The following PRKCB variants were observed in gnomAD, a reference collection of about 807,000 sequenced individuals.
The protein encoded by PRKCB is protein kinase C beta, also known as protein kinase C beta type.
Under a neutral mutation model 81.5 loss-of-function variants are expected in PRKCB, and 13 were observed. That is an observed-to-expected ratio of 0.16 (90% CI 0.10 to 0.25). PRKCB has a LOEUF of 0.25. Ranked by LOEUF, PRKCB falls within the 10% of genes least tolerant of loss-of-function variation. The probability of loss-of-function intolerance (pLI) is 1.00; values close to 1 mark genes in which losing one functional copy is unlikely to be tolerated. For missense variants in PRKCB, 509 were observed against 875.7 expected (o/e 0.58, Z 5.29); for synonymous variants, 335 against 321.4 (o/e 1.04, Z -0.45).
chr16:23,934,814 G>C (rs764626555), intron 2 of PRKCB, among the ~76,000 whole-genome samples: 1 of 152,128 alleles, frequency 6.6e-6, no homozygotes, highest in Non-Finnish European at 1.5e-5. Flanking sequence ...TGGGGTTGTG[G>C]GTGGGGAGGA....
At chr16:24,080,718 A>T (rs1014598230) in intron 5 of PRKCB, among the ~76,000 whole-genome samples, 1 of 152,228 alleles carries the variant, frequency 6.6e-6, no homozygotes, top group African/African-American at 2.4e-5. Flanking sequence ...ACTAACAAAC[A>T]AACTTCCGAA....
At chr16:24,058,901 GATGGAGGA>G (rs59993607) in intron 5 of PRKCB, among the ~76,000 whole-genome samples, 47,275 of 151,482 alleles carry the variant, frequency 0.31, 8,820 homozygotes, top group African/African-American at 0.52. Context: ...ATCCCTGTAG[GATGGAGGA>G]GATGAAACAT....
chr16:23,986,588 A>G (rs1460464168), intron 2 of PRKCB, among the ~76,000 whole-genome samples: 1 of 152,154 alleles, frequency 6.6e-6, no homozygotes. Flanking sequence ...GTTAACACGT[A>G]TATTTAAACT....
At chr16:24,107,594 G>C (rs1567376507) in intron 7 of PRKCB, among the ~76,000 whole-genome samples, 1 of 152,290 alleles carries the variant, frequency 6.6e-6, no homozygotes, top group South Asian at 2.1e-4. Context: ...AGTCAGAAGG[G>C]GTCCTGCTCC....
intron 2 of PRKCB, among the ~76,000 whole-genome samples, chr16:23,976,317 G>GC (rs1024559529): frequency 2.6e-5 from 4 of 151,632 alleles, no homozygotes; most frequent in African/African-American, 4.8e-5. Flanking sequence ...CACAAAAACC[G>GC]CCCCCCCAAA....
chr16:24,061,432 CAG>C (rs984259935), intron 5 of PRKCB, among the ~76,000 whole-genome samples: 15 of 152,236 alleles, frequency 9.9e-5, no homozygotes, highest in African/African-American at 3.6e-4. Flanking sequence ...TACAGTTTTT[CAG>C]AGTTGTGATT....
At chr16:23,940,426 A>G (rs969553040) in intron 2 of PRKCB, among the ~76,000 whole-genome samples, 2 of 152,076 alleles carry the variant, frequency 1.3e-5, no homozygotes, top group Admixed American at 1.3e-4. Context: ...AAAAACCCAC[A>G]AGAGAAACCT....
chr16:24,214,508 T>C (rs1968192882), intron 16 of PRKCB, 150 bp from the exon 17 acceptor site: 1 of 701,128 alleles, frequency 1.4e-6, no homozygotes. Context: ...TTGCTCTCAT[T>C]TCTGATCATT....
At chr16:24,193,715 G>A (rs1967834522) in intron 16 of PRKCB, among the ~76,000 whole-genome samples, 1 of 152,086 alleles carries the variant, frequency 6.6e-6, no homozygotes, top group South Asian at 2.1e-4. Flanking sequence ...TGCCTACAGA[G>A]GCCAAGCAGA....
intron 5 of PRKCB, among the ~76,000 whole-genome samples, chr16:24,091,849 G>T (rs182150663): frequency 1.5e-3 from 229 of 152,226 alleles, no homozygotes; most frequent in African/African-American, 5.4e-3. Flanking sequence ...GGGTGTTCTG[G>T]AGTCAGGGTG....
At chr16:24,142,878 T>G (rs530479829) in intron 9 of PRKCB, among the ~76,000 whole-genome samples, 94 of 152,006 alleles carry the variant, frequency 6.2e-4, no homozygotes, top group Non-Finnish European at 1.3e-3. Flanking sequence ...TTGCAACAGA[T>G]CAGCACCCTG....
chr16:24,112,291 G>A (rs1966684807), intron 7 of PRKCB, among the ~76,000 whole-genome samples: 2 of 152,154 alleles, frequency 1.3e-5, no homozygotes, highest in Non-Finnish European at 2.9e-5. Flanking sequence ...CAATTTGGGA[G>A]GATAGGGTGA....
At chr16:23,890,682 C>T (rs1186213737) in intron 2 of PRKCB, among the ~76,000 whole-genome samples, 2 of 152,158 alleles carry the variant, frequency 1.3e-5, no homozygotes, top group African/African-American at 4.8e-5. Flanking sequence ...TGACTCTTTC[C>T]ACTGTACCCT....
rs1323903107 is a variant in PRKCB at position 24,168,714 on chromosome 16, C to CTTTT, written c.1240-3555_1240-3554insTTTT. On this transcript the variant is annotated intron_variant, in intron 10 of 16. Transcript: ENST00000643927. ...TACAGGTGCTCACCACCATGCCTGG[C>CTTTT]TATTTTTTTTTTTTTTTTTTTTTTG... Among the ~76,000 whole-genome samples the CTTTT allele has an allele frequency of 9.1e-5, 11 of 120,856 alleles. 1 individual carries two copies. The highest frequency in any genetic ancestry group is 2.5e-4 in the East Asian group (1 of 4,042). 79.3% of individuals were successfully genotyped at this position (120,856 alleles called of 152,430 possible).
At chr16:24,162,585 A>G (rs1443187893) in intron 10 of PRKCB, among the ~76,000 whole-genome samples, 3 of 147,438 alleles carry the variant, frequency 2.0e-5, no homozygotes, top group Non-Finnish European at 4.5e-5. Context: ...AGTAGCTGGG[A>G]CCACAGGCAT....
intron 3 of PRKCB, among the ~76,000 whole-genome samples, chr16:23,990,360 A>G (rs746172613): frequency 2.0e-5 from 3 of 151,976 alleles, no homozygotes; most frequent in Non-Finnish European, 4.4e-5. Context: ...TGGGAGGCTG[A>G]GGCAGGAGAA....
Position 24,172,204 on chromosome 16 carries a change from C to T in PRKCB, c.1240-66C>T, listed in dbSNP as rs1596581269. On this transcript the variant is annotated intron_variant, in intron 10 of 16. Coordinates refer to ENST00000643927, the MANE Select transcript of PRKCB (RefSeq NM_002738.7). ...TTCATCATAAATTCCAGCTCTTCCCCCACTGTCCATTTGGAGCCCCAGAAG... is the reference window on the plus strand; with the variant it reads ...TTCATCATAAATTCCAGCTCTTCCCTCACTGTCCATTTGGAGCCCCAGAAG... 4.3e-6 allele frequency: 5 copies of T among 1,168,048 alleles called. No homozygotes were observed. In the Middle Eastern group the frequency reaches 6.7e-4, roughly 155 times the overall value. 72.4% of individuals were successfully genotyped at this position (1,168,048 alleles called of 1,614,324 possible).
intron 2 of PRKCB, among the ~76,000 whole-genome samples, chr16:23,886,474 A>G (rs531305917): frequency 7.7e-6 from 1 of 129,074 alleles, no homozygotes; most frequent in East Asian, 2.3e-4. Context: ...GTGCAATGGC[A>G]TGATCTTGGC....
intron 2 of PRKCB, among the ~76,000 whole-genome samples, chr16:23,962,365 G>T (rs145187018): frequency 1.8e-3 from 269 of 152,170 alleles, no homozygotes; most frequent in African/African-American, 6.3e-3. Context: ...CTAATTTCCA[G>T]CCCCATTGTG....
Sources: gnomAD v4.1 joint callset for allele counts (sites outside exome capture counted in the v4.1 genomes callset) on GRCh38, gnomAD v4.1.1 for gene constraint, MANE v1.5 for transcripts, NCBI Gene and HGNC (gene_info 2026-07-23, HGNC 2026-07-21) for gene names.